Variants in OCA2 observed in about 807,000 individuals in gnomAD.
The protein encoded by OCA2 is OCA2 melanosomal transmembrane protein.
In OCA2, 77 loss-of-function variants were observed where a neutral mutation model predicts 100.2. The ratio of observed to expected loss-of-function variants is 0.77; its 90% CI spans 0.64 to 0.93. The LOEUF is 0.93. Ranked by LOEUF, OCA2 falls within the 40% of genes least tolerant of loss-of-function variation. The probability of loss-of-function intolerance (pLI) is 0.00; values close to 1 mark genes in which losing one functional copy is unlikely to be tolerated. For missense variants in OCA2, 1,062 were observed against 1,089.1 expected (o/e 0.98, Z 0.35); for synonymous variants, 432 against 439.2 (o/e 0.98, Z 0.21).
chr15:27,943,897 T>C (rs1276905164), intron 18 of OCA2, among the ~76,000 whole-genome samples: 1 of 152,152 alleles, frequency 6.6e-6, no homozygotes, highest in Non-Finnish European at 1.5e-5. Flanking sequence ...TTGGTGAATA[T>C]CTTCCTGTAA....
At chr15:27,774,358 G>A (rs945950017) in intron 23 of OCA2, among the ~76,000 whole-genome samples, 2 of 152,206 alleles carry the variant, frequency 1.3e-5, no homozygotes, top group African/African-American at 4.8e-5. Context: ...CAGGCCCCCC[G>A]CGTTCTGCAC....
At position 27,913,878 on chromosome 15, in the gene OCA2, A is replaced by G. The variant is rs373004474; in HGVS notation, c.2079+12249T>C. 0.031 allele frequency among the ~76,000 whole-genome samples: 1,747 copies of G among 55,500 alleles called. 219 individuals are homozygous for G. In the East Asian group the frequency reaches 0.53, roughly 17 times the overall value. 36.4% of individuals were successfully genotyped at this position (55,500 alleles called of 152,430 possible). A position where few individuals can be genotyped will look rare whatever the true frequency, so the allele number is the denominator to read the frequency against. ...AAGAAAGAAAGAAAGAAAGAAAGAA[A>G]GAAAGAAAGAAAGAAAGCAAGCAAG... On this transcript the variant is annotated intron_variant, in intron 19 of 23. Transcript: ENST00000354638.
intron 4 of OCA2, 58 bp from the exon 5 acceptor site, chr15:28,024,960 CAG>C (rs1405306109): frequency 3.3e-6 from 5 of 1,535,604 alleles, no homozygotes; most frequent in Non-Finnish European, 4.5e-6. Flanking sequence ...TGCCCAGACT[CAG>C]ACACTTTTCT....
chr15:28,018,439 G>A lies in OCA2; in HGVS notation c.765C>T (p.Thr255=), dbSNP rs746339891. 3.1e-6 allele frequency: 5 copies of A among 1,614,092 alleles called. No individual in the cohort carries two copies. The East Asian group carries it at 8.9e-5, about 29-fold the overall frequency. The change falls in exon 7 of 24, where the codon ACC becomes ACT. Residue 255 remains threonine (T), a synonymous_variant. Transcript: ENST00000354638. ...ACCTGGAGCCCAAAGCGTCAGCCTG[G>A]GTCAGCTCCACCACGATGTGCTCTT... The part of the protein sequence containing the change: ...GREEHIVVEL[T]QADALGSRWR...
the OCA2 span, among the ~76,000 whole-genome samples, chr15:27,740,067 T>C: frequency 6.6e-6 from 1 of 152,220 alleles, no homozygotes; most frequent in Non-Finnish European, 1.5e-5. Context: ...GGATGTTGTC[T>C]TCCACTTTCC....
intron 2 of OCA2, among the ~76,000 whole-genome samples, chr15:28,039,864 C>G (rs575121904): frequency 2.6e-5 from 4 of 152,136 alleles, no homozygotes; most frequent in African/African-American, 9.6e-5. Flanking sequence ...GAAACCCTGT[C>G]TCTGCTAAAA....
chr15:27,884,214 C>G (rs1408140231), intron 19 of OCA2, among the ~76,000 whole-genome samples: 1 of 152,116 alleles, frequency 6.6e-6, no homozygotes, highest in African/African-American at 2.4e-5. Flanking sequence ...AAACCTGTCT[C>G]TACAAAAAAT....
chr15:28,056,804 T>C (rs1246293363), intron 2 of OCA2, among the ~76,000 whole-genome samples: 2 of 152,228 alleles, frequency 1.3e-5, no homozygotes, highest in Non-Finnish European at 2.9e-5. Context: ...CTCCACACTA[T>C]ATGAATATTC....
the OCA2 span, among the ~76,000 whole-genome samples, chr15:27,727,380 CTG>C: frequency 6.6e-6 from 1 of 152,202 alleles, no homozygotes; most frequent in African/African-American, 2.4e-5. Context: ...TGGAAAAAAA[CTG>C]TGATTCCAAC....
At chr15:27,988,263 C>T (rs752621899) in intron 11 of OCA2, among the ~76,000 whole-genome samples, 6 of 150,784 alleles carry the variant, frequency 4.0e-5, no homozygotes, top group Non-Finnish European at 5.9e-5. Context: ...TGCCAGTGCT[C>T]GCTGAACTGA....
chr15:27,864,066 A>T (rs969576773), intron 21 of OCA2, among the ~76,000 whole-genome samples: 2 of 152,120 alleles, frequency 1.3e-5, no homozygotes, highest in Admixed American at 1.3e-4. Flanking sequence ...CTGGGCCGGC[A>T]GTGCCCCTCT....
chr15:27,841,689 A>T (rs890055604), intron 23 of OCA2, among the ~76,000 whole-genome samples: 1 of 152,272 alleles, frequency 6.6e-6, no homozygotes, highest in African/African-American at 2.4e-5. Flanking sequence ...TAGATGCAAG[A>T]GAGCTTCTGA....
At chr15:28,029,159 C>T (rs1296727733) in intron 3 of OCA2, among the ~76,000 whole-genome samples, 2 of 152,170 alleles carry the variant, frequency 1.3e-5, no homozygotes, top group East Asian at 3.8e-4. Context: ...ATGGAGCCAG[C>T]TCAATGGGGC....
intron 2 of OCA2, among the ~76,000 whole-genome samples, chr15:28,070,932 G>A (rs2044239960): frequency 6.8e-6 from 1 of 147,330 alleles, no homozygotes; most frequent in African/African-American, 2.6e-5. Context: ...GGCGGTACAA[G>A]ATGTGCTTTG....
intron 19 of OCA2, among the ~76,000 whole-genome samples, chr15:27,925,262 T>G (rs1025686251): frequency 3.3e-5 from 5 of 152,082 alleles, no homozygotes; most frequent in African/African-American, 1.2e-4. Context: ...GATAGAATGC[T>G]CCACAAAACA....
chr15:27,767,525 G>T (rs1595374133), intron 23 of OCA2, among the ~76,000 whole-genome samples: 2 of 150,812 alleles, frequency 1.3e-5, no homozygotes, highest in Admixed American at 6.6e-5. Flanking sequence ...TCTAGCTAAA[G>T]GATTGTAAAT....
intron 23 of OCA2, among the ~76,000 whole-genome samples, chr15:27,767,962 A>G (rs1269245078): frequency 6.6e-6 from 1 of 152,170 alleles, no homozygotes; most frequent in Non-Finnish European, 1.5e-5. Flanking sequence ...GACTTGCCAC[A>G]TTTTAAGCTC....
chr15:28,049,121 A>G (rs2141543183), intron 2 of OCA2, among the ~76,000 whole-genome samples: 1 of 152,314 alleles, frequency 6.6e-6, no homozygotes, highest in South Asian at 2.1e-4. Flanking sequence ...AAAAACTCCT[A>G]CAACTCAACA....
intron 23 of OCA2, among the ~76,000 whole-genome samples, chr15:27,824,292 T>TG (rs1261479247): frequency 3.3e-5 from 5 of 151,970 alleles, no homozygotes; most frequent in Admixed American, 6.6e-5. Context: ...TGCTTGAACC[T>TG]GGGAGGCAGA....
Sources: gnomAD v4.1 joint callset for allele counts (sites outside exome capture counted in the v4.1 genomes callset) on GRCh38, gnomAD v4.1.1 for gene constraint, MANE v1.5 for transcripts, NCBI Gene and HGNC (gene_info 2026-07-23, HGNC 2026-07-21) for gene names.